The following ADRA1A variants were observed in gnomAD, a reference collection of about 807,000 sequenced individuals.
ADRA1A encodes adrenoceptor alpha 1A.
Under a neutral mutation model 29.6 loss-of-function variants are expected in ADRA1A, and 31 were observed. The ratio of observed to expected loss-of-function variants is 1.05; its 90% CI spans 0.79 to 1.41. The LOEUF (loss-of-function observed/expected upper bound fraction) is 1.41. ADRA1A is among the 40% of genes most tolerant of loss of function. The pLI is 0.00. For missense variants in ADRA1A, 619 were observed against 601.1 expected (o/e 1.03, Z -0.31); for synonymous variants, 311 against 254.3 (o/e 1.22, Z -2.12).
At chr8:26,820,342 C>A (rs977373654) in intron 2 of ADRA1A, among the ~76,000 whole-genome samples, 14 of 152,130 alleles carry the variant, frequency 9.2e-5, no homozygotes, top group Admixed American at 2.6e-4. Context: ...TATACTGGAC[C>A]ACAGACAAGT....
chr8:26,860,383 A>C lies in ADRA1A; in HGVS notation c.883+3704T>G, dbSNP rs571696533. Among the ~76,000 whole-genome samples the C allele has an allele frequency of 6.6e-6, 1 of 151,726 alleles. No individual in the cohort carries two copies. The highest frequency in any genetic ancestry group is 1.5e-5 in the Non-Finnish European group (1 of 67,902). Reference sequence around the variant, plus strand: ...CGAGTCTGTGTCTCTTCACACACACACTCTCTGGGACTCACAGTAGGTCCT... The same window carrying C: ...CGAGTCTGTGTCTCTTCACACACACCCTCTCTGGGACTCACAGTAGGTCCT... On this transcript the variant is annotated intron_variant, in intron 2 of 2. Coordinates refer to ENST00000380573, the MANE Select transcript of ADRA1A (RefSeq NM_000680.4). This position sits in a 1 kb window ranked among gnomAD's most constrained non-coding sequence, Gnocchi z 4.7.
At position 26,864,531 on chromosome 8, in the gene ADRA1A, G is replaced by A. The variant is rs747218785; in HGVS notation, c.439C>T (p.Leu147=). ...IVTQRRGLMA[L]LCVWALSLVI... ...AGGGAGAGTGCCCAGACGCAGAGCA[G>A]AGCCATGAGACCCCTCCTCTGGGTG... The change falls in exon 2 of 3, where the codon CTG becomes TTG. Residue 147 remains leucine, a synonymous_variant. Transcript: ENST00000380573. This position sits in a 1 kb window ranked among gnomAD's most constrained non-coding sequence, Gnocchi z 8.1. 9 of 1,614,130 alleles carry A rather than the reference G, an allele frequency of 5.6e-6. No individual in the cohort carries two copies. The Admixed American group carries it at 1.3e-4, about 24-fold the overall frequency.
In ADRA1A at chr8:26,787,811, T is replaced by C. The variant is rs1411299138; in HGVS notation, c.884-17145A>G. ...GTGTCTGGCTGTAAGCATTTGCTCA[T>C]TTGCTATCCCAGAGCTATGATCAGT... is the stretch of plus-strand genomic sequence containing the variant. On this transcript the variant is annotated intron_variant, in intron 2 of 2. Coordinates refer to ENST00000380573, the MANE Select transcript of ADRA1A (RefSeq NM_000680.4). This position sits in a 1 kb window ranked among gnomAD's most constrained non-coding sequence, Gnocchi z 4.2. 1.3e-5 allele frequency among the ~76,000 whole-genome samples: 2 copies of C among 152,154 alleles called. No individual in the cohort carries two copies. Among genetic ancestry groups the C allele is most frequent in the African/African-American group, 4.8e-5 (2 of 41,432 alleles).
intron 2 of ADRA1A, among the ~76,000 whole-genome samples, chr8:26,778,292 A>G (rs937634729): frequency 6.6e-6 from 1 of 152,176 alleles, no homozygotes; most frequent in Non-Finnish European, 1.5e-5. Context: ...CTTGTGTCCA[A>G]TAAATAATTT....
chr8:26,864,772 G>C lies in ADRA1A; in HGVS notation c.198C>G (p.Val66=). The C allele has an allele frequency of 6.2e-7, 1 of 1,614,184 alleles. No individual in the cohort carries two copies. The highest frequency in any genetic ancestry group is 8.5e-7 in the Non-Finnish European group (1 of 1,180,034). ...HLHSVTHYYI[V]NLAVADLLLT... is the part of the protein sequence containing the mutation. Reference sequence around the variant, plus strand: ...GCAGGAGGTCGGCCACCGCCAGGTTGACGATGTAGTAGTGCGTGACTGAGT... The same window carrying C: ...GCAGGAGGTCGGCCACCGCCAGGTTCACGATGTAGTAGTGCGTGACTGAGT... The change falls in exon 2 of 3, where the codon GTC becomes GTG. Residue 66 remains valine, a synonymous_variant. Transcript: ENST00000380573. This position sits in a 1 kb window ranked among gnomAD's most constrained non-coding sequence, Gnocchi z 8.1.
chr8:26,762,645 C>G (rs182181222), downstream of ADRA1A, among the ~76,000 whole-genome samples: 1 of 152,234 alleles, frequency 6.6e-6, no homozygotes, highest in East Asian at 1.9e-4. This position sits in a 1 kb window ranked among gnomAD's most constrained non-coding sequence, Gnocchi z 4.0. Context: ...AGGACCAAGA[C>G]CAAACAGGGG....
intron 2 of ADRA1A, among the ~76,000 whole-genome samples, chr8:26,853,107 T>C (rs1051982216): frequency 2.7e-5 from 4 of 150,490 alleles, no homozygotes; most frequent in African/African-American, 9.7e-5. Context: ...AAATTCATTT[T>C]TATTGAATAA....
intron 2 of ADRA1A, among the ~76,000 whole-genome samples, chr8:26,840,601 T>C (rs1811750503): frequency 6.6e-6 from 1 of 152,124 alleles, no homozygotes; most frequent in Non-Finnish European, 1.5e-5. Context: ...TTTTTTTTTT[T>C]TCTTGCCCTG....
chr8:26,769,406 C>G lies in ADRA1A; in HGVS notation c.*743G>C. The G allele has an allele frequency of 1.0e-6, 1 of 985,428 alleles. No homozygotes were observed. The highest frequency in any genetic ancestry group is 1.7e-5 in the African/African-American group (1 of 57,358). 61.0% of individuals were successfully genotyped at this position (985,428 alleles called of 1,614,324 possible). On this transcript the variant is annotated 3_prime_UTR_variant, in exon 3 of 3. Coordinates refer to ENST00000380573, the MANE Select transcript of ADRA1A (RefSeq NM_000680.4). ...TAAATTGAAAGAATGATGCTCAGGT[C>G]TATTGTTTTCTCTTGGGAAAAGCCA...
In ADRA1A at chr8:26,849,775, C is replaced by T. The variant is rs181894632; in HGVS notation, c.883+14312G>A. 2.9e-3 allele frequency among the ~76,000 whole-genome samples: 444 copies of T among 152,112 alleles called. 2 individuals carry two copies. The highest frequency in any genetic ancestry group is 0.01 in the African/African-American group (422 of 41,486). ...CCCAGGAATCAGAGCAAGTGTACAC[C>T]TTTAAAATGGTGATGCGGAGGATGA... On this transcript the variant is annotated intron_variant, in intron 2 of 2. Coordinates refer to ENST00000380573, the MANE Select transcript of ADRA1A (RefSeq NM_000680.4).
intron 2 of ADRA1A, among the ~76,000 whole-genome samples, chr8:26,777,692 G>T (rs1223618123): frequency 6.6e-6 from 1 of 152,194 alleles, no homozygotes; most frequent in Admixed American, 6.5e-5. Context: ...TTGAGTGGTT[G>T]GTAAAGTGAG....
At chr8:26,849,472 C>T (rs954634123) in intron 2 of ADRA1A, among the ~76,000 whole-genome samples, 2 of 152,218 alleles carry the variant, frequency 1.3e-5, no homozygotes, top group African/African-American at 4.8e-5. Context: ...ACCAAACAGA[C>T]AAGAGAAACA....
Position 26,787,463 on chromosome 8 carries a change from G to A in ADRA1A, c.884-16797C>T, listed in dbSNP as rs761916775. On this transcript the variant is annotated intron_variant, in intron 2 of 2. Transcript: ENST00000380573. The surrounding 1 kb of genome is among the most constrained non-coding windows in gnomAD (Gnocchi z 4.2). ...TGACAAAATGCAACTAATAAAGTAC[G>A]CCTAAAAAACAATCAGGTAAGATTG... is the stretch of plus-strand genomic sequence containing the variant. Among the ~76,000 whole-genome samples the A allele has an allele frequency of 2.0e-5, 3 of 152,052 alleles. No individual in the cohort carries two copies. Among genetic ancestry groups the A allele is most frequent in the East Asian group, 1.9e-4 (1 of 5,190 alleles).
chr8:26,832,930 G>C (rs1811094913), intron 2 of ADRA1A, among the ~76,000 whole-genome samples: 1 of 152,202 alleles, frequency 6.6e-6, no homozygotes, highest in Admixed American at 6.5e-5. Flanking sequence ...ATTTGCAGTG[G>C]GCAGCCACCA....
chr8:26,776,526 C>CA (rs757365646), intron 2 of ADRA1A, among the ~76,000 whole-genome samples: 8 of 152,276 alleles, frequency 5.3e-5, no homozygotes, highest in Non-Finnish European at 1.0e-4. Flanking sequence ...GCTGAAGACG[C>CA]GAGTAGTTCC....
intron 2 of ADRA1A, among the ~76,000 whole-genome samples, chr8:26,802,686 T>C (rs1413282830): frequency 6.6e-6 from 1 of 152,042 alleles, no homozygotes; most frequent in East Asian, 1.9e-4. Context: ...AAGCTAAAAA[T>C]AGAGCTACCA....
At position 26,801,481 on chromosome 8, in the gene ADRA1A, T is replaced by G. The variant is rs185769146; in HGVS notation, c.884-30815A>C. Among the ~76,000 whole-genome samples the G allele has an allele frequency of 3.0e-3, 458 of 152,242 alleles. 2 individuals are homozygous for G. The highest frequency in any genetic ancestry group is 6.8e-3 in the Middle Eastern group (2 of 294). ...TTCTATATGCCAACAGCAAACAGTT[T>G]GAAAAAGATATTTAAAAAGTAATTC... On this transcript the variant is annotated intron_variant, in intron 2 of 2. Transcript: ENST00000380573.
intron 2 of ADRA1A, among the ~76,000 whole-genome samples, chr8:26,827,566 C>T (rs1810661277): frequency 6.6e-6 from 1 of 152,202 alleles, no homozygotes; most frequent in African/African-American, 2.4e-5. Context: ...CTATCCGTGT[C>T]CTCACAAGGT....
At chr8:26,756,999 C>A in intron 2 of ADRA1A, 2 of 728,028 alleles carry the variant, frequency 2.7e-6, no homozygotes, top group South Asian at 3.0e-5. Flanking sequence ...ACATTCTGCT[C>A]CCTGTGAGAT....
Sources: gnomAD v4.1 joint callset for allele counts (sites outside exome capture counted in the v4.1 genomes callset) on GRCh38, gnomAD v4.1.1 for gene constraint, Gnocchi (gnomAD v3.1) non-coding constraint, MANE v1.5 for transcripts, NCBI Gene and HGNC (gene_info 2026-07-23, HGNC 2026-07-21) for gene names.